The following PFKFB2 variants were observed in gnomAD, a reference collection of about 807,000 sequenced individuals.
The protein encoded by PFKFB2 is 6-phosphofructo-2-kinase/fructose-2,6-biphosphatase 2, also known as 6-phosphofructo-2-kinase/fructose-2,6-bisphosphatase 2.
In PFKFB2, 53 loss-of-function variants were observed where a neutral mutation model predicts 68.0. The ratio of observed to expected loss-of-function variants is 0.78; its 90% CI spans 0.63 to 0.98. The LOEUF (loss-of-function observed/expected upper bound fraction) is 0.98. Ranked by LOEUF, PFKFB2 falls within the 50% of genes least tolerant of loss-of-function variation. The pLI, the probability that PFKFB2 is intolerant of heterozygous loss-of-function variation, is 0.00. For synonymous variants in PFKFB2, 222 were observed against 227.6 expected (o/e 0.98, Z 0.22); for missense variants, 451 against 642.0 (o/e 0.70, Z 3.22).
chr1:207,073,722 C>A lies in PFKFB2; in HGVS notation c.*1351C>A. Reference sequence around the variant, plus strand: ...CTATTCACTTCTGTCATTTCATTTTCTTTGTAGGGTTAAACAGAAAATGTT... The same window carrying A: ...CTATTCACTTCTGTCATTTCATTTTATTTGTAGGGTTAAACAGAAAATGTT... On this transcript the variant is annotated 3_prime_UTR_variant, in exon 15 of 15. Coordinates refer to ENST00000367080, the MANE Select transcript of PFKFB2 (RefSeq NM_006212.2). 1.0e-6 allele frequency: 1 copy of A among 985,126 alleles called. No individual in the cohort carries two copies. Among genetic ancestry groups the A allele is most frequent in the Non-Finnish European group, 1.2e-6 (1 of 829,704 alleles). 61.0% of individuals were successfully genotyped at this position (985,126 alleles called of 1,614,324 possible). A position where few individuals can be genotyped will look rare whatever the true frequency, so the allele number is the denominator to read the frequency against.
In PFKFB2 at chr1:207,070,215, A is replaced by G. The variant is rs1421481783; in HGVS notation, c.1093-65A>G. On this transcript the variant is annotated intron_variant, in intron 11 of 14. Coordinates refer to ENST00000367080, the MANE Select transcript of PFKFB2 (RefSeq NM_006212.2). This position sits in a 1 kb window ranked among gnomAD's most constrained non-coding sequence, Gnocchi z 4.2. ...AAGTGGCCCTTAGTCTCCAAGGTCC[A>G]GCCACTGACTTGGCTGCCAGCTTGC... is the stretch of plus-strand genomic sequence containing the variant. 1.9e-6 allele frequency: 3 copies of G among 1,599,002 alleles called. No individual in the cohort carries two copies. The highest frequency in any genetic ancestry group is 2.7e-5 in the African/African-American group (2 of 74,452).
chr1:207,041,694 A>T (rs1572705689), intron 1 of PFKFB2, among the ~76,000 whole-genome samples: 1 of 152,194 alleles, frequency 6.6e-6, no homozygotes, highest in Non-Finnish European at 1.5e-5. Context: ...CAATAAACAT[A>T]TGTGTGCATG....
upstream of PFKFB2, among the ~76,000 whole-genome samples, chr1:207,050,350 A>G (rs1682707301): frequency 6.6e-6 from 1 of 152,164 alleles, no homozygotes; most frequent in South Asian, 2.1e-4. Context: ...TATAGGGAAA[A>G]AGAGACATAA....
upstream of PFKFB2, chr1:207,049,628 G>A (rs767665086): frequency 2.5e-6 from 4 of 1,614,152 alleles, no homozygotes; most frequent in Non-Finnish European, 1.7e-6. Flanking sequence ...GTAAGCACAG[G>A]CAAAGTTTCC....
chr1:207,050,905 C>T (rs1340235766), upstream of PFKFB2: 4 of 1,606,156 alleles, frequency 2.5e-6, 1 homozygote, highest in South Asian at 4.4e-5. Context: ...TCGTGTCGGT[C>T]CGGCTGCCCA....
Position 207,061,952 on chromosome 1 carries a change from G to A in PFKFB2, c.86-1G>A, listed in dbSNP as rs897104207. The A allele has an allele frequency of 1.2e-6, 2 of 1,613,608 alleles. No individual in the cohort carries two copies. The highest frequency in any genetic ancestry group is 8.5e-7 in the Non-Finnish European group (1 of 1,179,656). On this transcript the variant is annotated splice_acceptor_variant, in intron 2 of 14. Transcript: ENST00000367080. LOFTEE classifies it high-confidence loss of function. ...TTTTATTTTGTTTCATTTCCTTCTAGCATGGGCCTCCTACATGACCAACTC... is the reference window on the plus strand; with the variant it reads ...TTTTATTTTGTTTCATTTCCTTCTAACATGGGCCTCCTACATGACCAACTC...
intron 1 of PFKFB2, among the ~76,000 whole-genome samples, chr1:207,041,085 C>T (rs1455416366): frequency 7.2e-5 from 11 of 151,994 alleles, no homozygotes; most frequent in Middle Eastern, 3.4e-3. Flanking sequence ...CCCGCCACCA[C>T]GCCCGGCTAC....
rs180712901 is a variant in PFKFB2, at chr1:207,063,077, G to A, written c.309-66G>A. 8.2e-6 allele frequency: 11 copies of A among 1,349,348 alleles called. No individual in the cohort carries two copies. The African/African-American group carries it at 8.6e-5, about 11-fold the overall frequency. 83.6% of individuals were successfully genotyped at this position (1,349,348 alleles called of 1,614,324 possible). On this transcript the variant is annotated intron_variant, in intron 4 of 14. Transcript: ENST00000367080. The surrounding 1 kb of genome is among the most constrained non-coding windows in gnomAD (Gnocchi z 4.1). ...AGGGATGTGACTTCTGTAGCCACCC[G>A]AATGTTTGTGTCTCTGACTGTTTGA...
chr1:207,037,537 C>T (rs928644854), intron 1 of PFKFB2, among the ~76,000 whole-genome samples: 1 of 152,212 alleles, frequency 6.6e-6, no homozygotes, highest in Non-Finnish European at 1.5e-5. Flanking sequence ...AACTTCAGAC[C>T]TGTAGATGCC....
At chr1:207,052,245 T>G (rs779142564), upstream of PFKFB2, 2 of 1,611,770 alleles carry the variant, frequency 1.2e-6, no homozygotes, top group South Asian at 2.2e-5. Context: ...TCTTTTCACA[T>G]CTTTCATGAC....
At chr1:207,066,061 T>C (rs978533446) in intron 8 of PFKFB2, among the ~76,000 whole-genome samples, 1 of 152,246 alleles carries the variant, frequency 6.6e-6, no homozygotes, top group Non-Finnish European at 1.5e-5. Context: ...TATTGCATAT[T>C]TTTATATCTA....
chr1:207,063,812 A>G lies in PFKFB2; in HGVS notation c.490A>G (p.Ile164Val). 1 of 1,612,904 alleles carries G rather than the reference A, an allele frequency of 6.2e-7. No homozygotes were observed. The highest frequency in any genetic ancestry group is 8.5e-7 in the Non-Finnish European group (1 of 1,179,616). The change falls in exon 7 of 15, where the codon ATT (isoleucine) becomes GTT (valine). Residue 164 changes from isoleucine to valine, a missense_variant. Transcript: ENST00000367080. The surrounding 1 kb of genome is among the most constrained non-coding windows in gnomAD (Gnocchi z 4.1). ...ATCCGTCTGTGATGATCCTGATGTCATTGCTGCCAATATTCTGGTTGGTGA... is the reference window on the plus strand; with the variant it reads ...ATCCGTCTGTGATGATCCTGATGTCGTTGCTGCCAATATTCTGGTTGGTGA... ...VESVCDDPDV[I>V]AANILEVKVS...
chr1:207,065,400 G>C, intron 8 of PFKFB2: 1 of 738,898 alleles, frequency 1.4e-6, no homozygotes, highest in Non-Finnish European at 1.7e-6. Flanking sequence ...ACCCAGGCTG[G>C]AGTGCAGTGG....
rs1451568206 is a variant in PFKFB2, at chr1:207,074,159, G to A, written c.*1788G>A. 3 of 982,994 alleles carry A rather than the reference G, an allele frequency of 3.1e-6. No homozygotes were observed. The highest frequency in any genetic ancestry group is 3.6e-6 in the Non-Finnish European group (3 of 827,904). The allele number at this position is 982,994 out of a possible 1,614,324, so 60.9% of individuals were successfully genotyped here. On this transcript the variant is annotated 3_prime_UTR_variant, in exon 15 of 15. Coordinates refer to ENST00000367080, the MANE Select transcript of PFKFB2 (RefSeq NM_006212.2). ...CCGGATGATTCTGATTCATAGCTCG[G>A]GTTAAGAACTCCACCTTAGGAAGTT...
At chr1:207,050,410 A>C (rs530057215), upstream of PFKFB2, among the ~76,000 whole-genome samples, 31 of 152,302 alleles carry the variant, frequency 2.0e-4, no homozygotes, top group South Asian at 5.4e-3. Flanking sequence ...GCCGAGGGAA[A>C]ACAAAATGGG....
Position 207,073,447 on chromosome 1 carries a change from G to T in PFKFB2, c.*1076G>T. 2.0e-6 allele frequency: 2 copies of T among 985,446 alleles called. No individual in the cohort carries two copies. Among genetic ancestry groups the T allele is most frequent in the Non-Finnish European group, 1.2e-6 (1 of 829,912 alleles). The allele number at this position is 985,446 out of a possible 1,614,324, so 61.0% of individuals were successfully genotyped here. On this transcript the variant is annotated 3_prime_UTR_variant, in exon 15 of 15. Coordinates refer to ENST00000367080, the MANE Select transcript of PFKFB2 (RefSeq NM_006212.2). The stretch of plus-strand genomic sequence containing the variant: ...ATGTTTGAGTTGCTCAAGGCAAGAG[G>T]CAGAGAAGAGTTCACTAAAACTGCT...
intron 2 of PFKFB2, among the ~76,000 whole-genome samples, chr1:207,060,679 A>G (rs768349050): frequency 9.9e-5 from 15 of 152,148 alleles, no homozygotes; most frequent in Non-Finnish European, 1.5e-4. Flanking sequence ...TGGACCTATT[A>G]TAGGAGCCAG....
chr1:207,046,334 C>T (rs1572708180), intron 2 of PFKFB2: 1 of 152,014 alleles, frequency 6.6e-6, no homozygotes, highest in East Asian at 1.9e-4. Flanking sequence ...TGAGAATTTA[C>T]TCCCTTTAAT....
Position 207,061,965 on chromosome 1 carries a change from A to T in PFKFB2, c.98A>T (p.Tyr33Phe). ...MSEKKCSWAS[Y>F]MTNSPTLIVM... Reference sequence around the variant, plus strand: ...CATTTCCTTCTAGCATGGGCCTCCTACATGACCAACTCCCCGACTCTGATC... The same window carrying T: ...CATTTCCTTCTAGCATGGGCCTCCTTCATGACCAACTCCCCGACTCTGATC... Residue 33 changes from tyrosine (Y) to phenylalanine (F), a missense_variant, in exon 3 of 15, where the codon TAC becomes TTC. By Grantham distance (22) the Tyr-to-Phe change is conservative (BLOSUM62 3). Transcript: ENST00000367080. 6.2e-7 allele frequency: 1 copy of T among 1,614,128 alleles called. No homozygotes were observed. The highest frequency in any genetic ancestry group is 8.5e-7 in the Non-Finnish European group (1 of 1,179,958).
Sources: gnomAD v4.1 joint callset for allele counts (sites outside exome capture counted in the v4.1 genomes callset) on GRCh38, gnomAD v4.1.1 for gene constraint, Gnocchi (gnomAD v3.1) non-coding constraint, MANE v1.5 for transcripts, NCBI Gene and HGNC (gene_info 2026-07-23, HGNC 2026-07-21) for gene names.